The following ATP6V0A4 variants were observed in gnomAD, a reference collection of about 807,000 sequenced individuals.
ATP6V0A4 encodes V-type proton ATPase 116 kDa subunit a 4.
ATP6V0A4 carries 86 observed loss-of-function variants against 107.3 expected under a neutral mutation model. The observed-to-expected ratio is 0.80, with a 90% confidence interval of 0.67 to 0.96. The LOEUF is 0.96. ATP6V0A4 is among the 40% of genes least tolerant of loss of function. ATP6V0A4 has a pLI of 0.00. For missense variants in ATP6V0A4, 908 were observed against 1,045.6 expected (o/e 0.87, Z 1.81); for synonymous variants, 353 against 381.4 (o/e 0.93, Z 0.87).
intron 5 of ATP6V0A4, among the ~76,000 whole-genome samples, 165 bp downstream of exon 5, chr7:138,768,615 G>A (rs1409312194): frequency 2.0e-5 from 3 of 152,092 alleles, no homozygotes; most frequent in Non-Finnish European, 1.5e-5. Flanking sequence ...CCGCACACTG[G>A]GATTTTCCTG....
intron 12 of ATP6V0A4, 136 bp downstream of exon 12, chr7:138,749,031 C>T (rs1806095789): frequency 8.4e-7 from 1 of 1,193,278 alleles, no homozygotes; most frequent in Non-Finnish European, 1.2e-6. Flanking sequence ...CTACTTATTC[C>T]TCTGATTCCC....
At chr7:138,733,214 C>T in intron 16 of ATP6V0A4, 121 bp from the exon 17 acceptor site, 1 of 1,488,316 alleles carries the variant, frequency 6.7e-7, no homozygotes, top group South Asian at 1.3e-5. Context: ...GCACTACTGG[C>T]AAACAACGGC....
intron 11 of ATP6V0A4, among the ~76,000 whole-genome samples, chr7:138,750,652 C>G (rs1399427082): frequency 6.6e-6 from 1 of 152,270 alleles, no homozygotes; most frequent in Admixed American, 6.5e-5. Flanking sequence ...CAATCCTCCT[C>G]TGCTTTCAGG....
At chr7:138,715,707 C>G in intron 20 of ATP6V0A4, 57 bp downstream of exon 20, 1 of 1,586,918 alleles carries the variant, frequency 6.3e-7, no homozygotes, top group South Asian at 1.1e-5. Flanking sequence ...TACATGGCAC[C>G]TATTTCCTGG....
chr7:138,720,010 G>A (rs1408251228), intron 19 of ATP6V0A4, among the ~76,000 whole-genome samples: 2 of 149,856 alleles, frequency 1.3e-5, no homozygotes, highest in Admixed American at 6.6e-5. Flanking sequence ...GGGCAATAGG[G>A]CAAGACTCTG....
intron 19 of ATP6V0A4, among the ~76,000 whole-genome samples, chr7:138,716,337 C>T (rs1213603970): frequency 6.6e-6 from 1 of 151,920 alleles, no homozygotes; most frequent in Admixed American, 6.6e-5. Flanking sequence ...GTGGAAGTTT[C>T]TAGAAAGGCA....
At chr7:138,733,964 G>C (rs1805169951) in intron 16 of ATP6V0A4, among the ~76,000 whole-genome samples, 172 bp downstream of exon 16, 1 of 152,102 alleles carries the variant, frequency 6.6e-6, no homozygotes, top group African/African-American at 2.4e-5. Flanking sequence ...CGGAGGTGCT[G>C]CCATTTCCAG....
chr7:138,759,942 T>C (rs1273073896), intron 7 of ATP6V0A4, 64 bp from the exon 8 acceptor site: 13 of 1,611,280 alleles, frequency 8.1e-6, no homozygotes, highest in Non-Finnish European at 1.0e-5. Context: ...GAGAAGGCCC[T>C]GTAGGACGTG....
intron 11 of ATP6V0A4, among the ~76,000 whole-genome samples, chr7:138,751,670 A>T (rs956636084): frequency 1.3e-5 from 2 of 151,882 alleles, no homozygotes; most frequent in African/African-American, 4.8e-5. Flanking sequence ...GTACACAGGG[A>T]ATGTCTAAGG....
intron 18 of ATP6V0A4, among the ~76,000 whole-genome samples, chr7:138,728,159 C>G (rs1287585117): frequency 6.6e-6 from 1 of 152,028 alleles, no homozygotes; most frequent in Non-Finnish European, 1.5e-5. Flanking sequence ...CCTTATAAAT[C>G]ATTAACTACC....
intron 21 of ATP6V0A4, 90 bp downstream of exon 21, chr7:138,709,534 C>G (rs1177606053): frequency 1.0e-5 from 13 of 1,261,398 alleles, no homozygotes; most frequent in Admixed American, 1.0e-4. Context: ...AAGTCACATA[C>G]AGCTCACGAT....
intron 11 of ATP6V0A4, among the ~76,000 whole-genome samples, chr7:138,750,657 T>C (rs1563000876): frequency 6.6e-6 from 1 of 152,312 alleles, no homozygotes; most frequent in Non-Finnish European, 1.5e-5. Flanking sequence ...CTCCTCTGCT[T>C]TCAGGAGGCC....
intron 5 of ATP6V0A4, 198 bp from the exon 6 acceptor site, chr7:138,763,223 T>C (rs1449848626): frequency 6.2e-6 from 2 of 324,748 alleles, no homozygotes; most frequent in African/African-American, 4.5e-5. Context: ...GTGCATGCTC[T>C]CTTAAGAGTT....
chr7:138,709,387 T>G (rs1041062854), intron 21 of ATP6V0A4, among the ~76,000 whole-genome samples: 27 of 151,744 alleles, frequency 1.8e-4, no homozygotes, highest in Non-Finnish European at 3.2e-4. Flanking sequence ...AACTAACATA[T>G]ATGAGAGTCT....
chr7:138,793,683 C>G (rs1808529055), intron 1 of ATP6V0A4, among the ~76,000 whole-genome samples: 1 of 152,054 alleles, frequency 6.6e-6, no homozygotes, highest in African/African-American at 2.4e-5. Context: ...CACAGTGCAA[C>G]TAAGCTACAA....
chr7:138,740,111 A>AG (rs1428127875), intron 14 of ATP6V0A4, among the ~76,000 whole-genome samples: 33 of 150,830 alleles, frequency 2.2e-4, no homozygotes, highest in Non-Finnish European at 4.7e-4. Flanking sequence ...AAAAAAAAAA[A>AG]AGGGAGAAGG....
In ATP6V0A4 at chr7:138,739,531, CATT is replaced by C. The variant is rs1562993730; in HGVS notation, c.1572+6_1572+8del. Reference sequence around the variant, plus strand: ...ATAAGAAATATTTAACCCAAGAAGACATTATTACCGGATCAATCCCAAACGGGT... The same window carrying C: ...ATAAGAAATATTTAACCCAAGAAGACATTACCGGATCAATCCCAAACGGGT... On this transcript the variant is annotated splice_donor_region_variant and intron_variant, in intron 15 of 21. Transcript: ENST00000310018. 2 of 1,613,906 alleles carry C rather than the reference CATT, an allele frequency of 1.2e-6. No homozygotes were observed. The highest frequency in any genetic ancestry group is 3.3e-5 in the Admixed American group (2 of 59,998).
At chr7:138,763,635 T>A (rs1806940187) in intron 5 of ATP6V0A4, among the ~76,000 whole-genome samples, 1 of 151,274 alleles carries the variant, frequency 6.6e-6, no homozygotes, top group African/African-American at 2.4e-5. Flanking sequence ...TTCAAAAAAA[T>A]AAATAAATAA....
chr7:138,715,913 T>C, intron 19 of ATP6V0A4, 32 bp from the exon 20 acceptor site: 1 of 1,609,206 alleles, frequency 6.2e-7, no homozygotes, highest in Non-Finnish European at 8.5e-7. Flanking sequence ...TTTACTTCAT[T>C]GAGAATTTTC....
Sources: gnomAD v4.1 joint callset for allele counts (sites outside exome capture counted in the v4.1 genomes callset) on GRCh38, gnomAD v4.1.1 for gene constraint, MANE v1.5 for transcripts, NCBI Gene and HGNC (gene_info 2026-07-23, HGNC 2026-07-21) for gene names.